The following CIAO2A variants were observed in gnomAD, a reference collection of about 807,000 sequenced individuals.
CIAO2A encodes MIP18 family protein FAM96A.
CIAO2A carries 17 observed loss-of-function variants against 22.4 expected under a neutral mutation model. That is an observed-to-expected ratio of 0.76 (90% CI 0.52 to 1.14). CIAO2A has a LOEUF of 1.14. Among genes scored for constraint, CIAO2A ranks in the 50% most tolerant of loss-of-function variants. CIAO2A has a pLI of 0.00. For synonymous variants in CIAO2A, 74 were observed against 72.3 expected (o/e 1.02, Z -0.12); for missense variants, 192 against 191.4 (o/e 1.00, Z -0.02).
chr15:64,081,200 T>C (rs1567306023), intron 2 of CIAO2A, 49 bp from the exon 3 acceptor site: 4 of 1,570,414 alleles, frequency 2.5e-6, no homozygotes, highest in Non-Finnish European at 1.7e-6. Context: ...TGCTTCTTAT[T>C]GGTTCTTGAA....
At chr15:64,074,731 GTC>G (rs1173386556) in intron 4 of CIAO2A, 1 of 152,080 alleles carries the variant, frequency 6.6e-6, no homozygotes. Context: ...GATTTTGTGT[GTC>G]TCTCTCCAGC....
At chr15:64,090,000 A>C (rs1471539517) in intron 1 of CIAO2A, among the ~76,000 whole-genome samples, 5 of 152,208 alleles carry the variant, frequency 3.3e-5, no homozygotes, top group Admixed American at 1.3e-4. Context: ...GGATTCACAA[A>C]GAATAAGTAG....
intron 4 of CIAO2A, chr15:64,074,314 T>A (rs1230491878): frequency 6.6e-6 from 1 of 152,246 alleles, no homozygotes; most frequent in Non-Finnish European, 1.5e-5. Flanking sequence ...ATTTGGTTTC[T>A]TCCTACTACA....
chr15:64,093,689 G>A lies in CIAO2A; in HGVS notation c.80C>T (p.Ala27Val), dbSNP rs1483150540. The A allele has an allele frequency of 6.8e-6, 11 of 1,613,940 alleles. No individual in the cohort carries two copies. Among genetic ancestry groups the A allele is most frequent in the Non-Finnish European group, 6.8e-6 (8 of 1,179,972 alleles). Residue 27 changes from alanine (A) to valine (V), a missense_variant, in exon 1 of 5, where the codon GCC (alanine) becomes GTC (valine). By Grantham distance (64) the Ala-to-Val change is moderately conservative. Coordinates refer to ENST00000300030, the MANE Select transcript of CIAO2A (RefSeq NM_032231.7). ...WLSGLSEPGA[A>V]RQPRIMEEKA... Reference sequence around the variant, plus strand: ...CTCTTCCATGATCCGGGGCTGCCGGGCAGCTCCCGGCTCAGAGAGGCCGGA... The same window carrying A: ...CTCTTCCATGATCCGGGGCTGCCGGACAGCTCCCGGCTCAGAGAGGCCGGA...
intron 2 of CIAO2A, 98 bp from the exon 3 acceptor site, chr15:64,081,249 A>G (rs2140109343): frequency 2.6e-6 from 3 of 1,153,022 alleles, no homozygotes; most frequent in Non-Finnish European, 3.8e-6. Flanking sequence ...CATACAACAC[A>G]GTTGCTGAAA....
chr15:64,088,320 C>T (rs1461642603), intron 2 of CIAO2A, among the ~76,000 whole-genome samples: 2 of 152,120 alleles, frequency 1.3e-5, no homozygotes, highest in African/African-American at 4.8e-5. Context: ...CATGCACTCT[C>T]CATTAATTGT....
intron 3 of CIAO2A, among the ~76,000 whole-genome samples, chr15:64,080,096 C>T (rs1345921141): frequency 6.6e-6 from 1 of 152,098 alleles, no homozygotes; most frequent in Non-Finnish European, 1.5e-5. Flanking sequence ...AAATCACAAC[C>T]ACCATGACAG....
intron 2 of CIAO2A, among the ~76,000 whole-genome samples, chr15:64,087,575 C>A (rs1390907877): frequency 6.6e-6 from 1 of 152,158 alleles, no homozygotes; most frequent in Non-Finnish European, 1.5e-5. Flanking sequence ...GATTCACAGA[C>A]CTCCAGTCCC....
At chr15:64,082,635 T>C (rs2080765973) in intron 2 of CIAO2A, among the ~76,000 whole-genome samples, 1 of 152,208 alleles carries the variant, frequency 6.6e-6, no homozygotes, top group Admixed American at 6.5e-5. Flanking sequence ...CCTTAAAGCA[T>C]ATCTGGGAGA....
chr15:64,090,007 G>A (rs1457771873), intron 1 of CIAO2A, among the ~76,000 whole-genome samples: 1 of 152,164 alleles, frequency 6.6e-6, no homozygotes, highest in Non-Finnish European at 1.5e-5. Flanking sequence ...CAAAGAATAA[G>A]TAGAACCTTG....
At chr15:64,075,653 C>CTTT (rs147717856) in intron 3 of CIAO2A, 116 bp from the exon 4 acceptor site, 13 of 383,344 alleles carry the variant, frequency 3.4e-5, no homozygotes, top group East Asian at 5.5e-5. Context: ...AATCCTGTTT[C>CTTT]TTTTTTTTTT....
intron 1 of CIAO2A, among the ~76,000 whole-genome samples, chr15:64,089,277 C>T (rs917420718): frequency 1.1e-4 from 17 of 152,154 alleles, no homozygotes; most frequent in Non-Finnish European, 2.4e-4. Context: ...AAACCAACCA[C>T]TTTGAGAGGC....
chr15:64,075,417 T>C, intron 4 of CIAO2A, 75 bp downstream of exon 4: 1 of 915,572 alleles, frequency 1.1e-6, no homozygotes, highest in Non-Finnish European at 1.6e-6. Flanking sequence ...GATTCTTGGC[T>C]GGCAGAAGAA....
At chr15:64,093,361 G>A (rs1249204821) in intron 1 of CIAO2A, among the ~76,000 whole-genome samples, 1 of 152,092 alleles carries the variant, frequency 6.6e-6, no homozygotes, top group East Asian at 1.9e-4. Flanking sequence ...TTACTAAGAC[G>A]TAGGCCACAC....
intron 1 of CIAO2A, 128 bp from the exon 2 acceptor site, chr15:64,088,979 T>C (rs2080819151): frequency 1.3e-6 from 1 of 795,336 alleles, no homozygotes; most frequent in Non-Finnish European, 1.9e-6. Flanking sequence ...AACTCCCAGG[T>C]TTCTGACAGA....
At chr15:64,080,548 G>C (rs990921005) in intron 3 of CIAO2A, among the ~76,000 whole-genome samples, 3 of 152,022 alleles carry the variant, frequency 2.0e-5, no homozygotes, top group African/African-American at 7.3e-5. Flanking sequence ...TGGGCGTGGT[G>C]GTGGGCACCT....
chr15:64,093,535 A>G (rs77104671), intron 1 of CIAO2A, 110 bp downstream of exon 1: 10 of 1,108,056 alleles, frequency 9.0e-6, no homozygotes, highest in Non-Finnish European at 1.2e-5. Context: ...ACAAACAAAC[A>G]AAAAAAAAGG....
chr15:64,079,876 AAC>A (rs1489471721), intron 3 of CIAO2A, among the ~76,000 whole-genome samples: 3 of 152,352 alleles, frequency 2.0e-5, no homozygotes, highest in African/African-American at 4.8e-5. Flanking sequence ...GTGAAAAGAC[AAC>A]ACACAGAATG....
chr15:64,080,896 C>G (rs2080754729), intron 3 of CIAO2A, among the ~76,000 whole-genome samples: 1 of 152,106 alleles, frequency 6.6e-6, no homozygotes. Flanking sequence ...TATGCCTACA[C>G]AAAAACTTAT....
Sources: gnomAD v4.1 joint callset for allele counts (sites outside exome capture counted in the v4.1 genomes callset) on GRCh38, gnomAD v4.1.1 for gene constraint, MANE v1.5 for transcripts, NCBI Gene and HGNC (gene_info 2026-07-23, HGNC 2026-07-21) for gene names.